Variants in SLC44A1 observed in about 807,000 individuals in gnomAD.
SLC44A1 encodes solute carrier family 44 member 1.
Under a neutral mutation model 79.3 loss-of-function variants are expected in SLC44A1, and 26 were observed. That is an observed-to-expected ratio of 0.33 (90% CI 0.24 to 0.46). SLC44A1 has a LOEUF of 0.46. Ranked by LOEUF, SLC44A1 falls within the 20% of genes least tolerant of loss-of-function variation. The pLI is 1.00. For missense variants in SLC44A1, 688 were observed against 798.1 expected (o/e 0.86, Z 1.66); for synonymous variants, 263 against 286.2 (o/e 0.92, Z 0.82).
At chr9:105,372,872 C>G (rs1588844173) in intron 12 of SLC44A1, among the ~76,000 whole-genome samples, 1 of 148,818 alleles carries the variant, frequency 6.7e-6, no homozygotes, top group Middle Eastern at 3.5e-3. Flanking sequence ...ATGGCGTGAA[C>G]CCGGGAGGCG....
chr9:105,301,261 T>A (rs1328594018), intron 2 of SLC44A1, among the ~76,000 whole-genome samples: 1 of 152,212 alleles, frequency 6.6e-6, no homozygotes, highest in Non-Finnish European at 1.5e-5. Context: ...TAGGCTGATT[T>A]GGGAGTGACT....
intron 1 of SLC44A1, among the ~76,000 whole-genome samples, chr9:105,287,803 A>T (rs985424048): frequency 1.5e-4 from 23 of 152,272 alleles, no homozygotes; most frequent in Middle Eastern, 3.4e-3. Context: ...TCTTCAGGAG[A>T]AATCTTGCTC....
chr9:105,303,068 G>A (rs1830923556), intron 2 of SLC44A1, among the ~76,000 whole-genome samples: 1 of 152,160 alleles, frequency 6.6e-6, no homozygotes, highest in Non-Finnish European at 1.5e-5. Context: ...AGGTTCTTGT[G>A]TTAGGGGTTC....
At chr9:105,252,066 T>C (rs1468312697) in intron 1 of SLC44A1, among the ~76,000 whole-genome samples, 4 of 152,232 alleles carry the variant, frequency 2.6e-5, no homozygotes, top group African/African-American at 9.6e-5. Flanking sequence ...GAAATTTATT[T>C]AATAAATTAT....
chr9:105,255,085 A>G (rs1228425091), intron 1 of SLC44A1, among the ~76,000 whole-genome samples: 7 of 146,992 alleles, frequency 4.8e-5, no homozygotes, highest in African/African-American at 1.0e-4. Context: ...TAACCTGCTT[A>G]CTTTCAGGTT....
At chr9:105,401,484 G>T (rs1442739404), downstream of SLC44A1, among the ~76,000 whole-genome samples, 2 of 152,078 alleles carry the variant, frequency 1.3e-5, no homozygotes, top group Non-Finnish European at 2.9e-5. Flanking sequence ...TAGGACAATG[G>T]GCTTTCAATT....
At chr9:105,359,448 A>G (rs1827718342) in intron 7 of SLC44A1, among the ~76,000 whole-genome samples, 1 of 152,212 alleles carries the variant, frequency 6.6e-6, no homozygotes. Context: ...AAAAGATCAT[A>G]GGCAAATTTA....
intron 1 of SLC44A1, among the ~76,000 whole-genome samples, chr9:105,297,036 T>C (rs886313834): frequency 6.6e-6 from 1 of 152,196 alleles, no homozygotes; most frequent in Non-Finnish European, 1.5e-5. Flanking sequence ...CAATGCTACA[T>C]TCCTCTGGGA....
intron 4 of SLC44A1, among the ~76,000 whole-genome samples, chr9:105,335,963 G>A (rs1486152502): frequency 6.6e-6 from 1 of 152,092 alleles, no homozygotes; most frequent in Non-Finnish European, 1.5e-5. Context: ...AGGTGACTTT[G>A]ATGTAGTCTA....
chr9:105,360,265 G>T (rs1827740449), intron 7 of SLC44A1, among the ~76,000 whole-genome samples: 1 of 152,112 alleles, frequency 6.6e-6, no homozygotes, highest in Non-Finnish European at 1.5e-5. Context: ...ACTAATACCA[G>T]TGAGGCCTTG....
intron 1 of SLC44A1, among the ~76,000 whole-genome samples, chr9:105,255,870 T>C (rs1354586042): frequency 6.6e-6 from 1 of 152,212 alleles, no homozygotes; most frequent in Non-Finnish European, 1.5e-5. Flanking sequence ...CAGATACTTT[T>C]AGCAAACTGC....
chr9:105,425,446 G>C (rs545932022), intron 15 of SLC44A1, among the ~76,000 whole-genome samples: 1 of 152,320 alleles, frequency 6.6e-6, no homozygotes, highest in South Asian at 2.1e-4. Context: ...GGAAAGATCT[G>C]TTTGAGGGAA....
Position 105,393,465 on chromosome 9 carries a change from A to G in SLC44A1, c.*4409A>G, listed in dbSNP as rs1452249777. ...AGCACACTTTTTCCATTCAGATTTCATACATTTGAGCCAAATTCTTATACT... is the reference window on the plus strand; with the variant it reads ...AGCACACTTTTTCCATTCAGATTTCGTACATTTGAGCCAAATTCTTATACT... On this transcript the variant is annotated 3_prime_UTR_variant, in exon 16 of 16. Coordinates refer to ENST00000374720, the MANE Select transcript of SLC44A1 (RefSeq NM_080546.5). 3.1e-6 allele frequency: 3 copies of G among 981,398 alleles called. No individual in the cohort carries two copies. Among genetic ancestry groups the G allele is most frequent in the Admixed American group, 6.1e-5 (1 of 16,268 alleles). 60.8% of individuals were successfully genotyped at this position (981,398 alleles called of 1,614,324 possible). A position where few individuals can be genotyped will look rare whatever the true frequency, so the allele number is the denominator to read the frequency against.
chr9:105,398,505 GA>G (rs375331448), downstream of SLC44A1, among the ~76,000 whole-genome samples: 544 of 152,266 alleles, frequency 3.6e-3, 5 homozygotes, highest in African/African-American at 0.012. Context: ...ACCACCTAAT[GA>G]TTAAAGAGCC....
At chr9:105,293,141 A>C (rs531497411) in intron 1 of SLC44A1, among the ~76,000 whole-genome samples, 64 of 152,320 alleles carry the variant, frequency 4.2e-4, no homozygotes, top group Non-Finnish European at 7.1e-4. Context: ...TGGGTGAGTG[A>C]GCAAGATCCT....
chr9:105,414,128 T>C (rs1240670428), intron 15 of SLC44A1, among the ~76,000 whole-genome samples: 1 of 151,446 alleles, frequency 6.6e-6, no homozygotes, highest in Non-Finnish European at 1.5e-5. Flanking sequence ...AGTGGCACGA[T>C]CTTGGCTCAC....
chr9:105,320,737 A>G lies in SLC44A1; in HGVS notation c.269+10871A>G, dbSNP rs575360620. On this transcript the variant is annotated intron_variant, in intron 3 of 15. Transcript: ENST00000374720. ...TGGGACTATAGGTACAGTCCCATGC[A>G]TGTCACCATGCATGTCTCTGTTCTT... 4.1e-4 allele frequency among the ~76,000 whole-genome samples: 63 copies of G among 152,256 alleles called. 1 individual carries two copies. The South Asian group carries it at 0.013, about 32-fold the overall frequency.
intron 15 of SLC44A1, among the ~76,000 whole-genome samples, chr9:105,420,938 G>C (rs1268034008): frequency 6.7e-6 from 1 of 149,560 alleles, no homozygotes; most frequent in African/African-American, 2.5e-5. Context: ...GTCCTACTGA[G>C]TTAAGCACTG....
chr9:105,354,717 G>T (rs1019673406), intron 5 of SLC44A1, among the ~76,000 whole-genome samples: 1 of 152,168 alleles, frequency 6.6e-6, no homozygotes, highest in African/African-American at 2.4e-5. Context: ...TTATTTTAAC[G>T]TTCCACCAAA....
Sources: allele counts gnomAD v4.1 joint callset (sites outside exome capture counted in the v4.1 genomes callset), GRCh38; gene constraint gnomAD v4.1.1; transcripts MANE v1.5; gene names NCBI Gene and HGNC (gene_info 2026-07-23, HGNC 2026-07-21).